The following ADCY2 variants were observed in gnomAD, a reference collection of about 807,000 sequenced individuals.
The protein encoded by ADCY2 is adenylate cyclase 2, also known as adenylate cyclase type 2.
In ADCY2, 31 loss-of-function variants were observed where a neutral mutation model predicts 125.2. The observed-to-expected ratio is 0.25, with a 90% CI of 0.19 to 0.33. The LOEUF (loss-of-function observed/expected upper bound fraction) is 0.33, where lower values mean the gene tolerates loss of function less well. Among genes scored for constraint, ADCY2 ranks in the 10% least tolerant of loss-of-function variants. ADCY2 has a pLI of 1.00. For synonymous variants in ADCY2, 512 were observed against 548.4 expected, an observed-to-expected ratio of 0.93 and a Z score of 0.93; for missense variants, 904 against 1,418.2, an observed-to-expected ratio of 0.64 and a Z score of 5.82.
chr5:7,595,446 T>C (rs975030812), intron 3 of ADCY2, among the ~76,000 whole-genome samples: 1 of 152,236 alleles, frequency 6.6e-6, no homozygotes, highest in Non-Finnish European at 1.5e-5. Flanking sequence ...TGAAATGATA[T>C]TAGTTCCTGG....
At chr5:7,825,226 C>T (rs911201716) in intron 24 of ADCY2, among the ~76,000 whole-genome samples, 8 of 146,154 alleles carry the variant, frequency 5.5e-5, no homozygotes, top group Non-Finnish European at 1.0e-4. Flanking sequence ...CTGTGCGCCA[C>T]GACAACGCTG....
chr5:7,776,217 G>C (rs1254974333), intron 18 of ADCY2, among the ~76,000 whole-genome samples: 1 of 82,838 alleles, frequency 1.2e-5, no homozygotes, highest in Non-Finnish European at 2.5e-5. Context: ...AAAAAAAAAA[G>C]CTGTGTAACA....
intron 3 of ADCY2, among the ~76,000 whole-genome samples, chr5:7,542,640 C>T (rs1039358354): frequency 3.9e-5 from 6 of 152,170 alleles, no homozygotes; most frequent in African/African-American, 1.4e-4. Flanking sequence ...ATGATAGCAC[C>T]CTGGCATTCG....
intron 3 of ADCY2, among the ~76,000 whole-genome samples, chr5:7,607,428 T>C (rs952652366): frequency 2.0e-5 from 3 of 152,220 alleles, no homozygotes; most frequent in South Asian, 4.1e-4. Flanking sequence ...GGGAGATTTA[T>C]GTTTTAAAAA....
intron 14 of ADCY2, among the ~76,000 whole-genome samples, chr5:7,740,093 C>T (rs1742366261): frequency 5.3e-5 from 8 of 151,672 alleles, no homozygotes. Flanking sequence ...AAACCAAAGG[C>T]CAAATCTACA....
intron 4 of ADCY2, among the ~76,000 whole-genome samples, chr5:7,689,760 G>T (rs1011637911): frequency 6.6e-6 from 1 of 152,128 alleles, no homozygotes; most frequent in Non-Finnish European, 1.5e-5. Flanking sequence ...AGATAAAGAT[G>T]TGATAGATAA....
chr5:7,575,224 T>A (rs1736209812), intron 3 of ADCY2, among the ~76,000 whole-genome samples: 1 of 152,092 alleles, frequency 6.6e-6, no homozygotes, highest in Non-Finnish European at 1.5e-5. Context: ...TTTAATATAA[T>A]CTTTGGAAGG....
intron 14 of ADCY2, among the ~76,000 whole-genome samples, chr5:7,742,323 A>G (rs1358943083): frequency 6.6e-6 from 1 of 152,140 alleles, no homozygotes; most frequent in Non-Finnish European, 1.5e-5. Context: ...TTGTGTCAGA[A>G]CAGCCTAGCA....
chr5:7,475,450 C>T (rs994847690), intron 2 of ADCY2, among the ~76,000 whole-genome samples: 1 of 151,950 alleles, frequency 6.6e-6, no homozygotes. Context: ...GGCACCATCT[C>T]GGCTCACTGC....
At chr5:7,586,763 G>T (rs183845567) in intron 3 of ADCY2, among the ~76,000 whole-genome samples, 1 of 152,106 alleles carries the variant, frequency 6.6e-6, no homozygotes, top group Non-Finnish European at 1.5e-5. Context: ...ATAGGTGAGC[G>T]TTGGGGAGTC....
chr5:7,757,718 A>G, intron 16 of ADCY2, 132 bp downstream of exon 16: 1 of 1,307,800 alleles, frequency 7.6e-7, no homozygotes, highest in South Asian at 1.9e-5. Context: ...CAACATGCTC[A>G]GCCCCGGGGT....
At chr5:7,610,018 A>G (rs1228976047) in intron 3 of ADCY2, among the ~76,000 whole-genome samples, 1 of 152,180 alleles carries the variant, frequency 6.6e-6, no homozygotes, top group Non-Finnish European at 1.5e-5. Flanking sequence ...CAGGGCATGA[A>G]TGGAATGTGG....
chr5:7,806,570 C>G (rs1284081272), intron 22 of ADCY2, among the ~76,000 whole-genome samples: 1 of 152,150 alleles, frequency 6.6e-6, no homozygotes, highest in African/African-American at 2.4e-5. Context: ...CACACAGCAG[C>G]CTTCTCACTT....
At chr5:7,485,968 T>C (rs1396650835) in intron 2 of ADCY2, among the ~76,000 whole-genome samples, 1 of 152,222 alleles carries the variant, frequency 6.6e-6, no homozygotes, top group East Asian at 1.9e-4. Flanking sequence ...TTTTAATAAA[T>C]ATCTATTTTT....
chr5:7,772,649 T>C (rs968742504), intron 17 of ADCY2, among the ~76,000 whole-genome samples: 1 of 152,202 alleles, frequency 6.6e-6, no homozygotes, highest in African/African-American at 2.4e-5. Flanking sequence ...GTGTCTTCCA[T>C]ATAAGTTTTT....
chr5:7,527,633 A>G (rs1734519076), intron 3 of ADCY2, among the ~76,000 whole-genome samples: 1 of 152,240 alleles, frequency 6.6e-6, no homozygotes, highest in African/African-American at 2.4e-5. Flanking sequence ...TAACAGGATT[A>G]CTTATATGTT....
intron 2 of ADCY2, among the ~76,000 whole-genome samples, chr5:7,432,364 G>T (rs960937615): frequency 6.6e-6 from 1 of 152,184 alleles, no homozygotes; most frequent in Admixed American, 6.5e-5. Context: ...TACTTAAGCT[G>T]TCCGCAGATG....
chr5:7,776,193 T>TAAAAAAA (rs11332766), intron 18 of ADCY2, among the ~76,000 whole-genome samples: 1 of 91,530 alleles, frequency 1.1e-5, no homozygotes. Flanking sequence ...GTGAGATCCT[T>TAAAAAAA]AAAAAAAAAA....
At chr5:7,502,460 A>G (rs1051792641) in intron 2 of ADCY2, among the ~76,000 whole-genome samples, 1 of 152,172 alleles carries the variant, frequency 6.6e-6, no homozygotes, top group Non-Finnish European at 1.5e-5. Flanking sequence ...CCCACCGTGG[A>G]CCAGGACAGA....
Sources: gnomAD v4.1 joint callset for allele counts (sites outside exome capture counted in the v4.1 genomes callset) on GRCh38, gnomAD v4.1.1 for gene constraint, MANE v1.5 for transcripts, NCBI Gene and HGNC (gene_info 2026-07-23, HGNC 2026-07-21) for gene names.